SYTL3: variants seen among roughly 807,000 people sequenced by gnomAD.
The protein encoded by SYTL3 is synaptotagmin-like protein 3.
Under a neutral mutation model 82.1 loss-of-function variants are expected in SYTL3, and 88 were observed. The ratio of observed to expected loss-of-function variants is 1.07; its 90% CI spans 0.90 to 1.28. The LOEUF (loss-of-function observed/expected upper bound fraction) is 1.28, where lower values mean the gene tolerates loss of function less well. Ranked by LOEUF, SYTL3 falls within the 50% of genes most tolerant of loss-of-function variation. The probability of loss-of-function intolerance (pLI) is 0.00; values close to 1 mark genes in which losing one functional copy is unlikely to be tolerated. For missense variants in SYTL3, 831 were observed against 757.6 expected, an observed-to-expected ratio of 1.10 and a Z score of -1.14; for synonymous variants, 311 against 289.4, an observed-to-expected ratio of 1.07 and a Z score of -0.76.
chr6:158,677,729 A>ATTTTTTTTTTTTTTTTTTTTTTTG (rs2128397581), intron 5 of SYTL3, among the ~76,000 whole-genome samples: 1 of 137,048 alleles, frequency 7.3e-6, no homozygotes, highest in South Asian at 2.1e-4. Context: ...AAAAAAAAAA[A>ATTTTTTTTTTTTTTTTTTTTTTTG]AGACTATTTG....
chr6:158,761,892 T>C (rs55891716), intron 15 of SYTL3, among the ~76,000 whole-genome samples, 184 bp from the exon 16 acceptor site: 19,554 of 152,168 alleles, frequency 0.13, 1,358 homozygotes, highest in Non-Finnish European at 0.13. Context: ...AGCGGCACGG[T>C]GTGGGCAGCG....
In SYTL3 at chr6:158,745,498, G is replaced by A; in HGVS notation, c.874G>A (p.Asp292Asn). 6.2e-7 allele frequency: 1 copy of A among 1,610,036 alleles called. No homozygotes were observed. The highest frequency in any genetic ancestry group is 1.7e-5 in the Admixed American group (1 of 58,882). Residue 292 changes from aspartate to asparagine, a missense_variant, in exon 12 of 18, where the codon GAC becomes AAC. Asp to Asn is a conservative substitution (Grantham distance 23). Coordinates refer to ENST00000611299, the MANE Select transcript of SYTL3 (RefSeq NM_001242394.2). ...GFRHGSLISI[D>N]STCTEMGNFD... ...ATTTCAGGGAAGTTTAATTAGCATT[G>A]ACAGCACCTGTACAGAGATGGGCAA... is the stretch of plus-strand genomic sequence containing the variant.
At chr6:158,707,721 AC>A (rs1424977753) in intron 7 of SYTL3, among the ~76,000 whole-genome samples, 6 of 152,238 alleles carry the variant, frequency 3.9e-5, no homozygotes, top group Non-Finnish European at 8.8e-5. Context: ...ACTTCTTTGC[AC>A]AAAATTCTAA....
chr6:158,696,219 G>T (rs75990165), intron 6 of SYTL3, among the ~76,000 whole-genome samples: 3,151 of 149,910 alleles, frequency 0.021, 110 homozygotes, highest in African/African-American at 0.073. Flanking sequence ...TTTTTTTTTT[G>T]AGATGGAGTC....
At chr6:158,668,882 C>T (rs141347500) in intron 5 of SYTL3, among the ~76,000 whole-genome samples, 5 of 152,070 alleles carry the variant, frequency 3.3e-5, no homozygotes, top group East Asian at 1.9e-4. Flanking sequence ...ATCCGAGAAC[C>T]GAAGGAACAG....
At chr6:158,750,531 T>C (rs1788260231) in intron 12 of SYTL3, among the ~76,000 whole-genome samples, 1 of 152,196 alleles carries the variant, frequency 6.6e-6, no homozygotes, top group Non-Finnish European at 1.5e-5. Flanking sequence ...TTTGGTTTGA[T>C]TTTTTGAGAC....
chr6:158,676,486 T>C (rs1362560707), intron 5 of SYTL3, among the ~76,000 whole-genome samples: 2 of 151,930 alleles, frequency 1.3e-5, no homozygotes, highest in Non-Finnish European at 2.9e-5. Flanking sequence ...ATTCAGGACA[T>C]AGGCATGGGC....
intron 12 of SYTL3, among the ~76,000 whole-genome samples, chr6:158,751,088 G>A (rs1390232576): frequency 3.9e-5 from 6 of 152,106 alleles, no homozygotes; most frequent in Non-Finnish European, 7.4e-5. Context: ...GAGCTTCTGC[G>A]CCTGGCCTCC....
At chr6:158,646,916 C>G (rs1054624032), upstream of SYTL3, among the ~76,000 whole-genome samples, 1 of 152,178 alleles carries the variant, frequency 6.6e-6, no homozygotes, top group African/African-American at 2.4e-5. Context: ...CACCACGATC[C>G]TGAGCCAATC....
In SYTL3 at chr6:158,695,864, C is replaced by T. The variant is rs1212810904; in HGVS notation, c.395-11366C>T. ...GTAGAGCATGTATCAGAATTTCATT[C>T]CTTTTTGTGGATGAATAGTATTCTG... On this transcript the variant is annotated intron_variant, in intron 6 of 17. Coordinates refer to ENST00000611299, the MANE Select transcript of SYTL3 (RefSeq NM_001242394.2). 2.0e-5 allele frequency among the ~76,000 whole-genome samples: 3 copies of T among 152,140 alleles called. No individual in the cohort carries two copies. In the East Asian group the frequency reaches 5.8e-4, roughly 29 times the overall value.
At chr6:158,721,986 G>C (rs1784158634) in intron 10 of SYTL3, among the ~76,000 whole-genome samples, 1 of 152,086 alleles carries the variant, frequency 6.6e-6, no homozygotes, top group Non-Finnish European at 1.5e-5. Context: ...ACATGCCTTA[G>C]CTGGGGAGCT....
intron 6 of SYTL3, among the ~76,000 whole-genome samples, chr6:158,701,550 G>GT (rs143947082): frequency 3.3e-5 from 5 of 150,284 alleles, no homozygotes; most frequent in African/African-American, 1.2e-4. Context: ...GCTGTTCTGG[G>GT]GGGGAGGAGG....
At chr6:158,660,048 T>C (rs4709241) in intron 2 of SYTL3, among the ~76,000 whole-genome samples, 43,778 of 151,842 alleles carry the variant, frequency 0.29, 6,932 homozygotes, top group East Asian at 0.67. Flanking sequence ...GCCGAGGGCC[T>C]GAGGTCAGGA....
At position 158,708,535 on chromosome 6, in the gene SYTL3, G is replaced by T. The variant is rs1193511237; in HGVS notation, c.516+144G>T. ...TGCCTGGAGCGGGTCACAAAGCGGG[G>T]TGGGGAGCGAGGGCCCTCAGGCTGG... is the stretch of plus-strand genomic sequence containing the variant. On this transcript the variant is annotated intron_variant, in intron 8 of 17. Transcript: ENST00000611299. 3 of 766,618 alleles carry T rather than the reference G, an allele frequency of 3.9e-6. No individual in the cohort carries two copies. The East Asian group carries it at 8.0e-5, about 20-fold the overall frequency. 47.5% of individuals were successfully genotyped at this position (766,618 alleles called of 1,614,324 possible). A position where few individuals can be genotyped will look rare whatever the true frequency, so the allele number is the denominator to read the frequency against.
At chr6:158,747,730 T>G (rs1230013495) in intron 12 of SYTL3, among the ~76,000 whole-genome samples, 1 of 152,122 alleles carries the variant, frequency 6.6e-6, no homozygotes, top group African/African-American at 2.4e-5. Context: ...CAAGCCATCC[T>G]CACACCTCAG....
In SYTL3 at chr6:158,764,486, C is replaced by A; in HGVS notation, c.1724-9C>A. On this transcript the variant is annotated splice_polypyrimidine_tract_variant and intron_variant, in intron 17 of 17. Transcript: ENST00000611299. ...CCGACCATGGCTAAATTGTCTTCCTCTCTTACAGAGGGAGACACAGCTGTT... is the reference window on the plus strand; with the variant it reads ...CCGACCATGGCTAAATTGTCTTCCTATCTTACAGAGGGAGACACAGCTGTT... The A allele has an allele frequency of 6.2e-7, 1 of 1,607,834 alleles. No individual in the cohort carries two copies. The highest frequency in any genetic ancestry group is 8.5e-7 in the Non-Finnish European group (1 of 1,174,818).
At chr6:158,747,893 T>A (rs1438679443) in intron 12 of SYTL3, among the ~76,000 whole-genome samples, 1 of 152,190 alleles carries the variant, frequency 6.6e-6, no homozygotes, top group Admixed American at 6.5e-5. Context: ...ATATGTATTG[T>A]ACGTATTTTA....
At chr6:158,700,438 G>A (rs1214000895) in intron 6 of SYTL3, among the ~76,000 whole-genome samples, 4 of 151,398 alleles carry the variant, frequency 2.6e-5, no homozygotes, top group South Asian at 2.1e-4. Context: ...TATCTCTCTC[G>A]AAGTACCTGT....
At chr6:158,730,283 C>A in intron 11 of SYTL3, among the ~76,000 whole-genome samples, 1 of 152,246 alleles carries the variant, frequency 6.6e-6, no homozygotes, top group East Asian at 1.9e-4. Flanking sequence ...CGGGGACAAG[C>A]TGCGTAAAGG....
Sources: allele counts gnomAD v4.1 joint callset (sites outside exome capture counted in the v4.1 genomes callset), GRCh38; gene constraint gnomAD v4.1.1; transcripts MANE v1.5; gene names NCBI Gene and HGNC (gene_info 2026-07-23, HGNC 2026-07-21).